The following BMAL1 variants were observed in gnomAD, a reference collection of about 807,000 sequenced individuals.
The protein encoded by BMAL1 is basic helix-loop-helix ARNT like 1.
chr11:13,373,719 A>G, the BMAL1 span, among the ~76,000 whole-genome samples: 1 of 152,154 alleles, frequency 6.6e-6, no homozygotes, highest in Non-Finnish European at 1.5e-5. Flanking sequence ...ATGTTGCCCA[A>G]GCTAATCTTG....
the BMAL1 span, among the ~76,000 whole-genome samples, chr11:13,281,351 C>T: frequency 6.6e-6 from 1 of 152,062 alleles, no homozygotes; most frequent in African/African-American, 2.4e-5. Flanking sequence ...GCCAGCCTCC[C>T]CCACTCTCCC....
chr11:13,325,923 G>T, the BMAL1 span, among the ~76,000 whole-genome samples: 1 of 151,664 alleles, frequency 6.6e-6, no homozygotes, highest in Non-Finnish European at 1.5e-5. Flanking sequence ...TAGAACAAGG[G>T]GCCGGGGGCG....
chr11:13,288,935 C>T, the BMAL1 span, among the ~76,000 whole-genome samples: 1,027 of 152,298 alleles, frequency 6.7e-3, 3 homozygotes, highest in Middle Eastern at 0.014. Flanking sequence ...CAGAAAGTGC[C>T]ACTATGGAAG....
At chr11:13,369,993 A>T in the BMAL1 span, among the ~76,000 whole-genome samples, 1 of 152,178 alleles carries the variant, frequency 6.6e-6, no homozygotes, top group Non-Finnish European at 1.5e-5. Context: ...TCCTCTGTTT[A>T]AATTGTGTTT....
chr11:13,343,427 A>G, the BMAL1 span, among the ~76,000 whole-genome samples: 97 of 152,174 alleles, frequency 6.4e-4, no homozygotes, highest in African/African-American at 2.2e-3. Context: ...GCCCACTCAG[A>G]TGCTCCCATT....
the BMAL1 span, among the ~76,000 whole-genome samples, chr11:13,309,648 T>C: frequency 2.0e-5 from 3 of 152,126 alleles, no homozygotes; most frequent in Admixed American, 6.5e-5. Context: ...TTCTAGGCAG[T>C]TGGGGGTATG....
At chr11:13,331,693 G>A in the BMAL1 span, among the ~76,000 whole-genome samples, 1 of 152,164 alleles carries the variant, frequency 6.6e-6, no homozygotes, top group Non-Finnish European at 1.5e-5. Flanking sequence ...GTATCTTTGA[G>A]TAGCATTCTG....
At chr11:13,277,500 T>TG in the BMAL1 span, 8 of 152,274 alleles carry the variant, frequency 5.3e-5, no homozygotes, top group African/African-American at 1.4e-4. Context: ...AAATGATTGG[T>TG]GGCAGGAAAG....
the BMAL1 span, among the ~76,000 whole-genome samples, chr11:13,307,934 C>A: frequency 6.6e-6 from 1 of 152,122 alleles, no homozygotes; most frequent in Non-Finnish European, 1.5e-5. Context: ...AGAAATGACA[C>A]AATCTGATTC....
the BMAL1 span, chr11:13,375,643 T>C: frequency 1.9e-6 from 3 of 1,581,754 alleles, no homozygotes; most frequent in African/African-American, 1.4e-5. Flanking sequence ...TTACAACTAA[T>C]TGCTATAAAT....
At chr11:13,325,094 G>C in the BMAL1 span, among the ~76,000 whole-genome samples, 1 of 152,348 alleles carries the variant, frequency 6.6e-6, no homozygotes, top group Admixed American at 6.5e-5. Flanking sequence ...ACTTGGTATA[G>C]TGATTCCTTT....
the BMAL1 span, among the ~76,000 whole-genome samples, chr11:13,344,271 G>T: frequency 2.6e-5 from 4 of 152,192 alleles, no homozygotes; most frequent in African/African-American, 9.6e-5. Context: ...CCTTACCTAT[G>T]CTCCACTAAT....
At chr11:13,381,087 C>T in the BMAL1 span, 4 of 1,475,412 alleles carry the variant, frequency 2.7e-6, no homozygotes, top group African/African-American at 5.6e-5. Context: ...TCCCCTTTCT[C>T]ACCTTTACCC....
the BMAL1 span, among the ~76,000 whole-genome samples, chr11:13,330,008 C>T: frequency 1.0e-3 from 153 of 152,186 alleles, no homozygotes; most frequent in Non-Finnish European, 1.9e-3. Context: ...TGTGACAGCT[C>T]AGGGTCTTAA....
chr11:13,281,136 C>T, the BMAL1 span, among the ~76,000 whole-genome samples: 1 of 152,210 alleles, frequency 6.6e-6, no homozygotes, highest in African/African-American at 2.4e-5. Context: ...CTTCTCACCT[C>T]TACCCGGGTC....
the BMAL1 span, among the ~76,000 whole-genome samples, chr11:13,339,342 C>G: frequency 1.3e-5 from 2 of 152,160 alleles, no homozygotes; most frequent in East Asian, 3.9e-4. Context: ...TTCTCATCAC[C>G]CCCACACCTA....
At chr11:13,281,648 T>C in the BMAL1 span, among the ~76,000 whole-genome samples, 5 of 152,308 alleles carry the variant, frequency 3.3e-5, no homozygotes, top group Admixed American at 3.3e-4. Context: ...TAGCTGAGCC[T>C]ACAGACACGT....
the BMAL1 span, among the ~76,000 whole-genome samples, chr11:13,289,968 A>G: frequency 1.3e-5 from 2 of 150,158 alleles, no homozygotes; most frequent in African/African-American, 2.5e-5. Context: ...ACTGTATTCC[A>G]CAATGATTGA....
the BMAL1 span, among the ~76,000 whole-genome samples, chr11:13,367,704 C>CCGAA: frequency 1.5e-5 from 1 of 66,616 alleles, no homozygotes; most frequent in Non-Finnish European, 2.9e-5. Flanking sequence ...GACTCTGTCT[C>CCGAA]AGAAAAAAAA....
Sources: allele counts gnomAD v4.1 joint callset (sites outside exome capture counted in the v4.1 genomes callset), GRCh38; gene constraint gnomAD v4.1.1; transcripts MANE v1.5; gene names NCBI Gene and HGNC (gene_info 2026-07-23, HGNC 2026-07-21).